The following SPTB variants were observed in gnomAD, a reference collection of about 807,000 sequenced individuals.
The protein encoded by SPTB is spectrin beta, erythrocytic, also known as spectrin beta chain, erythrocytic.
Under a neutral mutation model 256.2 loss-of-function variants are expected in SPTB, and 45 were observed. The observed-to-expected ratio is 0.18, with a 90% CI of 0.14 to 0.23. The LOEUF is 0.23. Ranked by LOEUF, SPTB falls within the 10% of genes least tolerant of loss-of-function variation. The pLI, the probability that SPTB is intolerant of heterozygous loss-of-function variation, is 1.00. For missense variants in SPTB, 2,715 were observed against 3,040.4 expected (o/e 0.89, Z 2.52); for synonymous variants, 1,231 against 1,243.1 (o/e 0.99, Z 0.21).
At chr14:64,811,840 G>A (rs1276513956) in intron 2 of SPTB, among the ~76,000 whole-genome samples, 1 of 152,128 alleles carries the variant, frequency 6.6e-6, no homozygotes, top group Non-Finnish European at 1.5e-5. Context: ...GCTTGTGTTG[G>A]CAAGGATGTG....
chr14:64,825,977 T>C lies in SPTB; in HGVS notation c.-51-2832A>G, dbSNP rs2083372963. Among the ~76,000 whole-genome samples the C allele has an allele frequency of 6.6e-6, 1 of 151,176 alleles. No individual in the cohort carries two copies. The highest frequency in any genetic ancestry group is 2.5e-5 in the African/African-American group (1 of 40,772). ...TGTGTCTAAATATACAGCTGGAGGGTTTTTGTTTTTGTTTTTGTTTTGGAA... is the reference window on the plus strand; with the variant it reads ...TGTGTCTAAATATACAGCTGGAGGGCTTTTGTTTTTGTTTTTGTTTTGGAA... On this transcript the variant is annotated intron_variant, in intron 1 of 35. Transcript: ENST00000644917. The surrounding 1 kb of genome is among the most constrained non-coding windows in gnomAD (Gnocchi z 4.8).
In SPTB at chr14:64,773,353, C is replaced by T. The variant is rs748760619; in HGVS notation, c.5045G>A (p.Arg1682His). Reference sequence around the variant, plus strand: ...GTACATGTTCTCCAGCTTGCGCTTGCGCTCTTCCGCCACGTCCTTCAGCCC... The same window carrying T: ...GTACATGTTCTCCAGCTTGCGCTTGTGCTCTTCCGCCACGTCCTTCAGCCC... ...YAGLKDVAEE[R>H]KRKLENMYHL... The change falls in exon 25 of 36, where the codon CGC becomes CAC. Residue 1682 changes from arginine (R) to histidine (H), a missense_variant. By Grantham distance (29) the Arg-to-His change is conservative. Transcript: ENST00000644917. The T allele has an allele frequency of 3.4e-5, 55 of 1,614,110 alleles. No homozygotes were observed. Among genetic ancestry groups the T allele is most frequent in the East Asian group, 6.7e-5 (3 of 44,884 alleles).
chr14:64,762,246 T>C (rs776558903), intron 32 of SPTB, among the ~76,000 whole-genome samples: 109 of 152,180 alleles, frequency 7.2e-4, no homozygotes, highest in Non-Finnish European at 1.2e-3. Flanking sequence ...AACATAGGAT[T>C]TGCATTCACT....
chr14:64,860,994 A>G (rs541037360), intron 1 of SPTB, among the ~76,000 whole-genome samples: 1 of 152,354 alleles, frequency 6.6e-6, no homozygotes, highest in Non-Finnish European at 1.5e-5. Context: ...TGTGGTACAT[A>G]TACACCATGG....
At chr14:64,861,083 G>A (rs2083959914) in intron 1 of SPTB, among the ~76,000 whole-genome samples, 1 of 152,148 alleles carries the variant, frequency 6.6e-6, no homozygotes, top group Admixed American at 6.5e-5. Flanking sequence ...ATTATCCTCA[G>A]CAAACTAACA....
At chr14:64,800,506 C>A (rs2082863247) in intron 8 of SPTB, among the ~76,000 whole-genome samples, 1 of 152,196 alleles carries the variant, frequency 6.6e-6, no homozygotes, top group South Asian at 2.1e-4. Context: ...GTCCATGAGA[C>A]ATGGGTCTCA....
intron 1 of SPTB, among the ~76,000 whole-genome samples, chr14:64,843,114 C>T (rs574763760): frequency 1.3e-5 from 2 of 152,282 alleles, no homozygotes; most frequent in Admixed American, 1.3e-4. Flanking sequence ...TTTTTATCAT[C>T]AGACATAGGC....
rs146536978 is a variant in SPTB, at chr14:64,771,031, C to T, written c.5652G>A (p.Ala1884=). ...CACAGGCATCGAGCAGCGCCTGCCA[C>T]GCGGCAGACACCTCCTGCTCCTTGT... The part of the protein sequence containing the change: ...IQNKEQEVSA[A]WQALLDACAG... Residue 1884 remains alanine, a synonymous_variant, in exon 27 of 36, where the codon GCG becomes GCA. Transcript: ENST00000644917. 190 of 1,614,204 alleles carry T rather than the reference C, an allele frequency of 1.2e-4. No homozygotes were observed. In the African/African-American group the frequency reaches 2.1e-3, roughly 18 times the overall value.
In SPTB at chr14:64,827,236, C is replaced by A. The variant is rs1274205996; in HGVS notation, c.-51-4091G>T. ...TCCTCTAGTCCCCCAACAAAGTAAA[C>A]AGCATCCTCTCCTCTTCCCTGGGTC... On this transcript the variant is annotated intron_variant, in intron 1 of 35. Coordinates refer to ENST00000644917, the MANE Select transcript of SPTB (RefSeq NM_001355436.2). This position sits in a 1 kb window ranked among gnomAD's most constrained non-coding sequence, Gnocchi z 4.6. Among the ~76,000 whole-genome samples, 1 of 152,206 alleles carries A rather than the reference C, an allele frequency of 6.6e-6. No homozygotes were observed. Among genetic ancestry groups the A allele is most frequent in the Non-Finnish European group, 1.5e-5 (1 of 68,040 alleles).
At position 64,847,292 on chromosome 14, in the gene SPTB, T is replaced by C. The variant is rs749282347; in HGVS notation, c.-51-24147A>G. Among the ~76,000 whole-genome samples, 2 of 152,202 alleles carry C rather than the reference T, an allele frequency of 1.3e-5. No homozygotes were observed. The highest frequency in any genetic ancestry group is 2.4e-5 in the African/African-American group (1 of 41,452). On this transcript the variant is annotated intron_variant, in intron 1 of 35. Transcript: ENST00000644917. This position sits in a 1 kb window ranked among gnomAD's most constrained non-coding sequence, Gnocchi z 5.9. ...ACATCAAAGGCCAAAATCCTGGCCA[T>C]GTGAGAACACGTGCTCCATCCACAT...
intron 1 of SPTB, among the ~76,000 whole-genome samples, chr14:64,865,376 T>C (rs1043413432): frequency 1.3e-5 from 2 of 151,756 alleles, no homozygotes; most frequent in African/African-American, 2.4e-5. Context: ...CAGGGTGAGA[T>C]GTAAAGTGAC....
intron 3 of SPTB, 44 bp downstream of exon 3, chr14:64,804,895 G>C: frequency 6.2e-7 from 1 of 1,612,524 alleles, no homozygotes; most frequent in Non-Finnish European, 8.5e-7. Context: ...TTGCTGAAGA[G>C]GGGCCGATGG....
In SPTB at chr14:64,786,512, A is replaced by C. The variant is rs767038559; in HGVS notation, c.3453T>G (p.Asn1151Lys). The C allele has an allele frequency of 6.2e-7, 1 of 1,613,990 alleles. No homozygotes were observed. Among genetic ancestry groups the C allele is most frequent in the East Asian group, 2.2e-5 (1 of 44,856 alleles). The stretch of plus-strand genomic sequence containing the variant: ...GGCTCTCCCACATCCTGCCCAGGGC[A>C]TTCCAGCCAGTATCCAGGCCCTCCA... ...QRLEGLDTGW[N>K]ALGRMWESRS... The change falls in exon 16 of 36, where the codon AAT becomes AAG. Residue 1151 changes from asparagine to lysine, a missense_variant. Transcript: ENST00000644917. This position sits in a 1 kb window ranked among gnomAD's most constrained non-coding sequence, Gnocchi z 5.6.
chr14:64,828,485 G>T (rs1000154900), intron 1 of SPTB, among the ~76,000 whole-genome samples: 3 of 152,142 alleles, frequency 2.0e-5, no homozygotes, highest in South Asian at 2.1e-4. Context: ...AAAGGAGAGG[G>T]GAGAGATGAT....
rs371390869 is a variant in SPTB at position 64,749,546 on chromosome 14, G to A, written c.6820-73C>T. 70 of 1,601,238 alleles carry A rather than the reference G, an allele frequency of 4.4e-5. No homozygotes were observed. The highest frequency in any genetic ancestry group is 3.4e-4 in the Middle Eastern group (2 of 5,918). On this transcript the variant is annotated intron_variant, in intron 35 of 35. Coordinates refer to ENST00000644917, the MANE Select transcript of SPTB (RefSeq NM_001355436.2). This position sits in a 1 kb window ranked among gnomAD's most constrained non-coding sequence, Gnocchi z 4.7. Reference sequence around the variant, plus strand: ...ACCTCCCGGGCCAGGCAACAATGGTGGGGGCTCTTGGGACTGCCCCTTCTG... The same window carrying A: ...ACCTCCCGGGCCAGGCAACAATGGTAGGGGCTCTTGGGACTGCCCCTTCTG...
At position 64,799,893 on chromosome 14, in the gene SPTB, C is replaced by T. The variant is rs375098420; in HGVS notation, c.918G>A (p.Lys306=). The T allele has an allele frequency of 3.1e-6, 5 of 1,614,130 alleles. No homozygotes were observed. Among genetic ancestry groups the T allele is most frequent in the Non-Finnish European group, 4.2e-6 (5 of 1,180,046 alleles). Residue 306 remains lysine, a synonymous_variant, in exon 9 of 36, where the codon AAG becomes AAA. Coordinates refer to ENST00000644917, the MANE Select transcript of SPTB (RefSeq NM_001355436.2). ...GCAGGTCCGAGGCTAGCCCGCTGTACTTTTCAATCATCTTCTCAGTCTCAA... is the reference window on the plus strand; with the variant it reads ...GCAGGTCCGAGGCTAGCCCGCTGTATTTTTCAATCATCTTCTCAGTCTCAA... ...HAIETEKMIE[K]YSGLASDLLT...
chr14:64,873,123 C>T lies in SPTB; in HGVS notation c.-52+6669G>A, dbSNP rs1311886518. Among the ~76,000 whole-genome samples the T allele has an allele frequency of 6.6e-6, 1 of 152,206 alleles. No homozygotes were observed. Among genetic ancestry groups the T allele is most frequent in the African/African-American group, 2.4e-5 (1 of 41,452 alleles). ...CCATCAGATAGTGTTTTCCCAACCACCCTACCTGAAATAGTAGAACCACCC... is the reference window on the plus strand; with the variant it reads ...CCATCAGATAGTGTTTTCCCAACCATCCTACCTGAAATAGTAGAACCACCC... On this transcript the variant is annotated intron_variant, in intron 1 of 35. Coordinates refer to ENST00000644917, the MANE Select transcript of SPTB (RefSeq NM_001355436.2). This position sits in a 1 kb window ranked among gnomAD's most constrained non-coding sequence, Gnocchi z 4.3.
At position 64,750,268 on chromosome 14, in the gene SPTB, A is replaced by C. The variant is rs1191067200; in HGVS notation, c.6603-114T>G. 5 of 1,061,550 alleles carry C rather than the reference A, an allele frequency of 4.7e-6. No individual in the cohort carries two copies. The African/African-American group carries it at 8.0e-5, about 17-fold the overall frequency. The allele number at this position is 1,061,550 out of a possible 1,614,324, so 65.8% of individuals were successfully genotyped here. On this transcript the variant is annotated intron_variant, in intron 33 of 35. Transcript: ENST00000644917. ...CACCATGTTTGTTCTGATACATAGT[A>C]ACATGTTTTATTGTTAAAAAATCAT...
In SPTB at chr14:64,792,331, T is replaced by C. The variant is rs1302955714; in HGVS notation, c.2667-475A>G. 1.3e-5 allele frequency among the ~76,000 whole-genome samples: 2 copies of C among 151,902 alleles called. No individual in the cohort carries two copies. The highest frequency in any genetic ancestry group is 6.6e-5 in the Admixed American group (1 of 15,250). On this transcript the variant is annotated intron_variant, in intron 14 of 35. Coordinates refer to ENST00000644917, the MANE Select transcript of SPTB (RefSeq NM_001355436.2). This position sits in a 1 kb window ranked among gnomAD's most constrained non-coding sequence, Gnocchi z 4.2. ...AGATAAGGAAAAGCTGCTGGGGCGG[T>C]GGTCGGGGGGAATTTGTGGTTCTGA...
Sources: allele counts gnomAD v4.1 joint callset (sites outside exome capture counted in the v4.1 genomes callset), GRCh38; gene constraint gnomAD v4.1.1; non-coding constraint Gnocchi (gnomAD v3.1); transcripts MANE v1.5; gene names NCBI Gene and HGNC (gene_info 2026-07-23, HGNC 2026-07-21).